The following NIPSNAP3A variants were observed in gnomAD, a reference collection of about 807,000 sequenced individuals.
The protein encoded by NIPSNAP3A is protein NipSnap homolog 3A.
Under a neutral mutation model 32.3 loss-of-function variants are expected in NIPSNAP3A, and 27 were observed. That is an observed-to-expected ratio of 0.84 (90% confidence interval 0.62 to 1.15). The LOEUF (loss-of-function observed/expected upper bound fraction) is 1.15, where lower values mean the gene tolerates loss of function less well. NIPSNAP3A is among the 50% of genes most tolerant of loss of function. The pLI is 0.00. For synonymous variants in NIPSNAP3A, 108 were observed against 107.3 expected, an observed-to-expected ratio of 1.01 and a Z score of -0.04; for missense variants, 278 against 297.2, an observed-to-expected ratio of 0.94 and a Z score of 0.48.
intron 3 of NIPSNAP3A, chr9:104,753,731 C>T (rs1225512882): frequency 6.6e-6 from 1 of 152,342 alleles, no homozygotes; most frequent in Non-Finnish European, 1.5e-5. Context: ...CCCCATTATT[C>T]CCAACTTTGT....
At position 104,747,690 on chromosome 9, in the gene NIPSNAP3A, G is replaced by A. The variant is rs1827788548; in HGVS notation, c.-103G>A. 2.4e-6 allele frequency: 3 copies of A among 1,234,888 alleles called. No homozygotes were observed. Among genetic ancestry groups the A allele is most frequent in the Non-Finnish European group, 1.2e-6 (1 of 864,172 alleles). The allele number at this position is 1,234,888 out of a possible 1,614,324, so 76.5% of individuals were successfully genotyped here. A position where few individuals can be genotyped will look rare whatever the true frequency, so the allele number is the denominator to read the frequency against. ...CCCGCCGAGCCCCGCCCCAGCCTGCGTCTGCCAATGATCCAGGAGCCGCTC... is the reference window on the plus strand; with the variant it reads ...CCCGCCGAGCCCCGCCCCAGCCTGCATCTGCCAATGATCCAGGAGCCGCTC... On this transcript the variant is annotated 5_prime_UTR_variant, in exon 1 of 6. Coordinates refer to ENST00000374767, the MANE Select transcript of NIPSNAP3A (RefSeq NM_015469.3).
At position 104,759,162 on chromosome 9, in the gene NIPSNAP3A, G is replaced by C; in HGVS notation, c.658G>C (p.Val220Leu). The C allele has an allele frequency of 6.2e-7, 1 of 1,613,562 alleles. No individual in the cohort carries two copies. The highest frequency in any genetic ancestry group is 8.5e-7 in the Non-Finnish European group (1 of 1,179,690). Residue 220 changes from valine (V) to leucine (L), a missense_variant, in exon 5 of 6, where the codon GTG becomes CTG. Val to Leu is a conservative substitution (Grantham distance 32). Transcript: ENST00000374767. ...RHKSHEDPRV[V>L]AAVRESVNYL... The stretch of plus-strand genomic sequence containing the variant: ...TAAGTCCCATGAGGATCCCAGAGTT[G>C]TGGCAGCTGGTAAGCTGTTTGACTA...
In NIPSNAP3A at chr9:104,758,948, T is replaced by C. The variant is rs1044417229; in HGVS notation, c.581-137T>C. On this transcript the variant is annotated intron_variant, in intron 4 of 5. Transcript: ENST00000374767. ...TCGTGCCACTGCACTCCAGCCTAGG[T>C]GACAAGAGTGAAACTCTTGTTTCAA... 59 of 916,034 alleles carry C rather than the reference T, an allele frequency of 6.4e-5. No individual in the cohort carries two copies. The African/African-American group carries it at 7.3e-4, about 11-fold the overall frequency. 56.7% of individuals were successfully genotyped at this position (916,034 alleles called of 1,614,324 possible).
intron 1 of NIPSNAP3A, among the ~76,000 whole-genome samples, chr9:104,748,159 T>C (rs1827800982): frequency 6.6e-6 from 1 of 152,082 alleles, no homozygotes; most frequent in Non-Finnish European, 1.5e-5. Context: ...GCCGGCTGTT[T>C]CGTTTTTGCT....
chr9:104,757,094 C>T (rs918306375), intron 4 of NIPSNAP3A, among the ~76,000 whole-genome samples: 6 of 152,158 alleles, frequency 3.9e-5, no homozygotes, highest in African/African-American at 1.4e-4. Context: ...TACACCTAGC[C>T]TCTACCTTAA....
chr9:104,747,939 G>C, intron 1 of NIPSNAP3A, 87 bp downstream of exon 1: 1 of 1,296,116 alleles, frequency 7.7e-7, no homozygotes, highest in East Asian at 2.5e-5. Context: ...CGAGCAATGC[G>C]CATGCGCTCT....
chr9:104,750,408 C>T (rs921110419), intron 1 of NIPSNAP3A, among the ~76,000 whole-genome samples: 3 of 152,124 alleles, frequency 2.0e-5, no homozygotes, highest in Non-Finnish European at 2.9e-5. Flanking sequence ...TTATTGACAC[C>T]TCTATGTAAA....
intron 4 of NIPSNAP3A, among the ~76,000 whole-genome samples, chr9:104,757,128 T>A (rs1012672510): frequency 2.0e-5 from 3 of 152,122 alleles, no homozygotes; most frequent in Non-Finnish European, 4.4e-5. Flanking sequence ...ACATATTAAG[T>A]TTTATTTTTT....
rs1213160665 is a variant in NIPSNAP3A, at chr9:104,760,075, C to T, written c.*737C>T. Reference sequence around the variant, plus strand: ...AGACATCCATTTGTTTTAATGAAATCTGTATGGATATGGAAATGCTTGCCC... The same window carrying T: ...AGACATCCATTTGTTTTAATGAAATTTGTATGGATATGGAAATGCTTGCCC... On this transcript the variant is annotated 3_prime_UTR_variant, in exon 6 of 6. Transcript: ENST00000374767. The T allele has an allele frequency of 4.6e-5, 7 of 152,146 alleles. No individual in the cohort carries two copies. Among genetic ancestry groups the T allele is most frequent in the Admixed American group, 2.6e-4 (4 of 15,274 alleles). 9.4% of individuals were successfully genotyped at this position (152,146 alleles called of 1,614,324 possible).
intron 1 of NIPSNAP3A, among the ~76,000 whole-genome samples, chr9:104,748,222 G>A (rs1827802358): frequency 6.6e-6 from 1 of 152,214 alleles, no homozygotes; most frequent in Non-Finnish European, 1.5e-5. Flanking sequence ...TTGTCACCTG[G>A]CGCTGTGGAG....
chr9:104,754,349 A>C (rs1827880697), intron 3 of NIPSNAP3A: 1 of 522,814 alleles, frequency 1.9e-6, no homozygotes. Flanking sequence ...GATTAAGCAT[A>C]ACAACTCACT....
At chr9:104,756,108 TATA>T (rs1827903006) in intron 4 of NIPSNAP3A, among the ~76,000 whole-genome samples, 3 of 152,122 alleles carry the variant, frequency 2.0e-5, no homozygotes, top group South Asian at 4.1e-4. Context: ...GAAAATAGAA[TATA>T]TAAAAACAGA....
intron 1 of NIPSNAP3A, among the ~76,000 whole-genome samples, chr9:104,749,588 T>G (rs1376409347): frequency 6.6e-6 from 1 of 152,204 alleles, no homozygotes; most frequent in Non-Finnish European, 1.5e-5. Flanking sequence ...CACATGCTAT[T>G]CAAACTTAAG....
intron 3 of NIPSNAP3A, 119 bp downstream of exon 3, chr9:104,753,183 C>T: frequency 1.2e-6 from 1 of 814,988 alleles, no homozygotes; most frequent in South Asian, 1.6e-5. Flanking sequence ...TATATAGAAA[C>T]ATACAGTGAT....
At chr9:104,750,862 T>A in intron 1 of NIPSNAP3A, 94 bp from the exon 2 acceptor site, 1 of 955,304 alleles carries the variant, frequency 1.0e-6, no homozygotes, top group Non-Finnish European at 1.7e-6. Flanking sequence ...AATGAGTCTA[T>A]GAGTGTCCCT....
intron 2 of NIPSNAP3A, 44 bp from the exon 3 acceptor site, chr9:104,752,862 T>C: frequency 6.5e-7 from 1 of 1,545,044 alleles, no homozygotes; most frequent in South Asian, 1.1e-5. Context: ...ACAGGTGATT[T>C]AAAATTGAAT....
In NIPSNAP3A at chr9:104,750,826, T is replaced by C. The variant is rs919270134; in HGVS notation, c.61-130T>C. 22 of 761,308 alleles carry C rather than the reference T, an allele frequency of 2.9e-5. No individual in the cohort carries two copies. In the Middle Eastern group the frequency reaches 1.3e-3, roughly 46 times the overall value. The allele number at this position is 761,308 out of a possible 1,614,324, so 47.2% of individuals were successfully genotyped here. A position where few individuals can be genotyped will look rare whatever the true frequency, so the allele number is the denominator to read the frequency against. On this transcript the variant is annotated intron_variant, in intron 1 of 5. Coordinates refer to ENST00000374767, the MANE Select transcript of NIPSNAP3A (RefSeq NM_015469.3). ...CCCTCCATCAGTAACATATTGAGAA[T>C]TGACAACAGAAGTACAAACATGAGT... is the stretch of plus-strand genomic sequence containing the variant.
At chr9:104,752,758 C>G in intron 2 of NIPSNAP3A, 148 bp from the exon 3 acceptor site, 1 of 669,712 alleles carries the variant, frequency 1.5e-6, no homozygotes, top group South Asian at 1.9e-5. Context: ...GGCAGATGGT[C>G]ACATCTGTTT....
chr9:104,757,558 T>C (rs535776823), intron 4 of NIPSNAP3A, among the ~76,000 whole-genome samples: 2 of 152,210 alleles, frequency 1.3e-5, no homozygotes, highest in Non-Finnish European at 2.9e-5. Context: ...GAAAGTATTA[T>C]TATAAACACA....
Sources: gnomAD v4.1 joint callset for allele counts (sites outside exome capture counted in the v4.1 genomes callset) on GRCh38, gnomAD v4.1.1 for gene constraint, MANE v1.5 for transcripts, NCBI Gene and HGNC (gene_info 2026-07-23, HGNC 2026-07-21) for gene names.